The following NAV3 variants were observed in gnomAD, a reference collection of about 807,000 sequenced individuals.
NAV3 encodes neuron navigator 3, also known as pore membrane and/or filament interacting like protein 1.
NAV3 carries 87 observed loss-of-function variants against 244.7 expected under a neutral mutation model. That is an observed-to-expected ratio of 0.36 (90% confidence interval 0.30 to 0.42). The LOEUF (loss-of-function observed/expected upper bound fraction) is 0.42, where lower values mean the gene tolerates loss of function less well. Among genes scored for constraint, NAV3 ranks in the 20% least tolerant of loss-of-function variants. The pLI, the probability that NAV3 is intolerant of heterozygous loss-of-function variation, is 1.00. For missense variants in NAV3, 2,663 were observed against 2,893.3 expected (o/e 0.92, Z 1.83); for synonymous variants, 1,126 against 1,042.2 (o/e 1.08, Z -1.55).
At chr12:77,866,689 T>G (rs1365449097) in intron 1 of NAV3, among the ~76,000 whole-genome samples, 1 of 152,218 alleles carries the variant, frequency 6.6e-6, no homozygotes, top group African/African-American at 2.4e-5. Context: ...GTTTGAAGCA[T>G]GAATGAATGG....
At chr12:77,761,971 T>A (rs986932795) in intron 2 of NAV3, among the ~76,000 whole-genome samples, 10 of 115,828 alleles carry the variant, frequency 8.6e-5, no homozygotes, top group Non-Finnish European at 1.4e-4. Flanking sequence ...TAGAGACACA[T>A]GCACACATAT....
intron 2 of NAV3, among the ~76,000 whole-genome samples, chr12:77,794,708 T>C (rs2044081215): frequency 1.3e-5 from 2 of 152,236 alleles, no homozygotes; most frequent in Admixed American, 6.5e-5. Flanking sequence ...TTTGTCTCTA[T>C]ATGAGATGTT....
At chr12:78,080,998 C>T (rs1029557566) in intron 12 of NAV3, among the ~76,000 whole-genome samples, 5 of 152,160 alleles carry the variant, frequency 3.3e-5, no homozygotes, top group African/African-American at 1.2e-4. Context: ...AGATCGTATC[C>T]ATTTGACAAG....
At chr12:77,863,906 G>A (rs1879628766) in intron 1 of NAV3, among the ~76,000 whole-genome samples, 1 of 151,840 alleles carries the variant, frequency 6.6e-6, no homozygotes. Flanking sequence ...ATCAGAAAAT[G>A]AAAGTTATTT....
intron 3 of NAV3, among the ~76,000 whole-genome samples, chr12:77,945,072 T>G (rs1232117896): frequency 6.6e-6 from 1 of 151,704 alleles, no homozygotes; most frequent in Non-Finnish European, 1.5e-5. Context: ...CAATATCCAT[T>G]GAGTCATGAA....
intron 2 of NAV3, among the ~76,000 whole-genome samples, chr12:77,593,697 A>C (rs1180563467): frequency 2.1e-5 from 3 of 145,226 alleles, no homozygotes; most frequent in Admixed American, 6.9e-5. Context: ...GGTGGTATAG[A>C]TCTCCTGACC....
chr12:78,045,865 C>A (rs549646739), intron 9 of NAV3, among the ~76,000 whole-genome samples: 2 of 152,218 alleles, frequency 1.3e-5, no homozygotes, highest in East Asian at 1.9e-4. Context: ...TGGTCCTGGG[C>A]ATTTTTTTGG....
At chr12:77,756,135 C>T (rs1260726521) in intron 2 of NAV3, among the ~76,000 whole-genome samples, 2 of 152,032 alleles carry the variant, frequency 1.3e-5, no homozygotes, top group Admixed American at 6.6e-5. Flanking sequence ...TGAGTGAGGA[C>T]TATATGATAT....
intron 2 of NAV3, among the ~76,000 whole-genome samples, chr12:77,801,626 G>A (rs1051531211): frequency 6.6e-6 from 1 of 152,082 alleles, no homozygotes; most frequent in African/African-American, 2.4e-5. Context: ...TGACCCTAAG[G>A]AAGTAGTATG....
chr12:78,117,471 T>C (rs1230411850), intron 13 of NAV3, among the ~76,000 whole-genome samples: 1 of 146,456 alleles, frequency 6.8e-6, no homozygotes, highest in Non-Finnish European at 1.5e-5. Flanking sequence ...CTATATGGTG[T>C]GTATATATTA....
chr12:77,584,876 T>C (rs1869528439), intron 2 of NAV3, among the ~76,000 whole-genome samples: 1 of 152,168 alleles, frequency 6.6e-6, no homozygotes, highest in African/African-American at 2.4e-5. Context: ...GGTAAAAGGA[T>C]TGTCAAATTC....
At chr12:77,816,629 A>C (rs1872538033) in intron 2 of NAV3, among the ~76,000 whole-genome samples, 1 of 151,942 alleles carries the variant, frequency 6.6e-6, no homozygotes, top group Non-Finnish European at 1.5e-5. Context: ...ATCTGCGGCC[A>C]CCTCTATGCA....
At chr12:77,938,468 T>C (rs1299048068) in intron 1 of NAV3, among the ~76,000 whole-genome samples, 2 of 152,156 alleles carry the variant, frequency 1.3e-5, no homozygotes, top group Admixed American at 6.5e-5. Flanking sequence ...CATATATTTT[T>C]CTTATGCAAT....
At chr12:77,948,870 CAAT>C (rs915740477) in intron 3 of NAV3, among the ~76,000 whole-genome samples, 4 of 151,294 alleles carry the variant, frequency 2.6e-5, no homozygotes, top group Admixed American at 6.6e-5. Context: ...TAAATTTTTT[CAAT>C]AATAAGAAAA....
chr12:77,944,395 C>G (rs1345222603), intron 3 of NAV3, among the ~76,000 whole-genome samples: 3 of 152,008 alleles, frequency 2.0e-5, no homozygotes, highest in African/African-American at 7.3e-5. Context: ...GTACAGGGAG[C>G]TTAAAATGGC....
intron 2 of NAV3, among the ~76,000 whole-genome samples, chr12:77,801,026 G>A (rs1445112998): frequency 6.6e-6 from 1 of 151,996 alleles, no homozygotes; most frequent in South Asian, 2.1e-4. Flanking sequence ...TTTGATTTGT[G>A]TACCTGAGAT....
chr12:78,121,070 G>A (rs530929772), intron 15 of NAV3, among the ~76,000 whole-genome samples: 1 of 152,112 alleles, frequency 6.6e-6, no homozygotes, highest in South Asian at 2.1e-4. Flanking sequence ...GCCCTCCTGT[G>A]GCCCATTACC....
At chr12:77,814,000 A>G (rs1193695965) in intron 2 of NAV3, among the ~76,000 whole-genome samples, 1 of 152,146 alleles carries the variant, frequency 6.6e-6, no homozygotes, top group Non-Finnish European at 1.5e-5. Flanking sequence ...TAGTAGCAGC[A>G]TTTAGGAACT....
rs1385663217 is a variant in NAV3 at position 78,137,205 on chromosome 12, C to T, written c.4470C>T (p.Asn1490=). The part of the protein sequence containing the change: ...LVSPTNLSQF[N]LPGPSMMRSN... ...GCCCAACAAATTTGTCTCAGTTTAA[C>T]CTTCCCGGGCCCAGCATGATGCGCT... The change falls in exon 19 of 40, where the codon AAC becomes AAT. Residue 1490 remains asparagine, a synonymous_variant. Transcript: ENST00000397909. 26 of 1,612,264 alleles carry T rather than the reference C, an allele frequency of 1.6e-5. No homozygotes were observed. The highest frequency in any genetic ancestry group is 2.1e-5 in the Non-Finnish European group (25 of 1,179,096).
Sources: allele counts gnomAD v4.1 joint callset (sites outside exome capture counted in the v4.1 genomes callset), GRCh38; gene constraint gnomAD v4.1.1; transcripts MANE v1.5; gene names NCBI Gene and HGNC (gene_info 2026-07-23, HGNC 2026-07-21).